Variants in STXBP2 observed in about 807,000 individuals in gnomAD.
STXBP2 encodes the protein syntaxin binding protein 2, also known as syntaxin-binding protein 2.
A neutral mutation model predicts 72.2 loss-of-function variants in STXBP2; 47 were observed. That is an observed-to-expected ratio of 0.65 (90% CI 0.51 to 0.83). The LOEUF (loss-of-function observed/expected upper bound fraction) is 0.83. STXBP2 is among the 40% of genes least tolerant of loss of function. The pLI, the probability that STXBP2 is intolerant of heterozygous loss-of-function variation, is 0.00. For missense variants in STXBP2, 702 were observed against 807.6 expected (o/e 0.87, Z 1.58); for synonymous variants, 367 against 338.7 (o/e 1.08, Z -0.92).
In STXBP2 at chr19:7,645,325, T is replaced by TG; in HGVS notation, c.1356+25dup. On this transcript the variant is annotated intron_variant, in intron 15 of 18. Transcript: ENST00000221283. Reference sequence around the variant, plus strand: ...CCCCGGGGTACGCCAGGAGCGGGCATGGGGGGACCCTGGGAGAGGGTGCGG... The same window carrying TG: ...CCCCGGGGTACGCCAGGAGCGGGCATGGGGGGGACCCTGGGAGAGGGTGCGG... 6.4e-7 allele frequency: 1 copy of TG among 1,560,846 alleles called. No individual in the cohort carries two copies.
intron 4 of STXBP2, chr19:7,640,257 T>C: frequency 1.8e-6 from 1 of 546,774 alleles, no homozygotes. Context: ...TGTGTGCATG[T>C]GTGTATGCGT....
chr19:7,631,516 G>T, the STXBP2 span: 1 of 1,536,248 alleles, frequency 6.5e-7, no homozygotes, highest in African/African-American at 1.4e-5. Flanking sequence ...CGGAAGCGGC[G>T]GGAGGAGAAG....
chr19:7,647,630 G>A (rs1474236746), intron 18 of STXBP2, 95 bp from the exon 19 acceptor site: 5 of 1,598,934 alleles, frequency 3.1e-6, no homozygotes, highest in Non-Finnish European at 4.3e-6. Flanking sequence ...TTTGCTGAGG[G>A]ACAGGGACAG....
At chr19:7,635,178 C>T (rs1186208339), upstream of STXBP2, among the ~76,000 whole-genome samples, 1 of 152,172 alleles carries the variant, frequency 6.6e-6, no homozygotes, top group East Asian at 1.9e-4. Context: ...AAGCTGGAGG[C>T]GGTCCTGGCT....
At chr19:7,632,809 C>T, upstream of STXBP2, 1 of 1,558,062 alleles carries the variant, frequency 6.4e-7, no homozygotes, top group Non-Finnish European at 8.7e-7. The surrounding 1 kb of genome is among the most constrained non-coding windows in gnomAD (Gnocchi z 5.2). Context: ...TTGAAGAAGC[C>T]CTCCTGGTCT....
chr19:7,630,619 A>G, the STXBP2 span: 3,289 of 1,537,196 alleles, frequency 2.1e-3, 4 homozygotes, highest in Admixed American at 3.2e-3. Flanking sequence ...TGGGTTTCCA[A>G]TCAGGCCGAG....
chr19:7,639,899 CAT>C (rs1461155826), intron 4 of STXBP2, 92 bp downstream of exon 4: 1 of 1,365,442 alleles, frequency 7.3e-7, no homozygotes, highest in African/African-American at 1.4e-5. Context: ...TGCATGTGTG[CAT>C]GTGTATACGT....
In STXBP2 at chr19:7,640,502, G is replaced by A. The variant is rs745323411; in HGVS notation, c.247-229G>A. 4 of 577,246 alleles carry A rather than the reference G, an allele frequency of 6.9e-6. No individual in the cohort carries two copies. The East Asian group carries it at 8.8e-5, about 13-fold the overall frequency. 35.8% of individuals were successfully genotyped at this position (577,246 alleles called of 1,614,324 possible). Reference sequence around the variant, plus strand: ...CATGTGTGTATGTGTGTGTGCATCTGTGTGTGTGTGCATGTGTGCATGCGT... The same window carrying A: ...CATGTGTGTATGTGTGTGTGCATCTATGTGTGTGTGCATGTGTGCATGCGT... On this transcript the variant is annotated intron_variant, in intron 4 of 18. Coordinates refer to ENST00000221283, the MANE Select transcript of STXBP2 (RefSeq NM_006949.4).
chr19:7,636,387 A>G (rs1008630685), upstream of STXBP2: 1 of 152,170 alleles, frequency 6.6e-6, no homozygotes, highest in Non-Finnish European at 1.5e-5. Flanking sequence ...GTTTGCAAGC[A>G]TTTGAGGGCG....
upstream of STXBP2, chr19:7,632,888 C>T (rs2031386601): frequency 1.3e-6 from 2 of 1,531,230 alleles, no homozygotes; most frequent in Non-Finnish European, 1.8e-6. The surrounding 1 kb of genome is among the most constrained non-coding windows in gnomAD (Gnocchi z 5.2). Flanking sequence ...CCTCCCCAAA[C>T]TTCCTAGCCA....
At chr19:7,646,122 G>C in intron 15 of STXBP2, 127 bp from the exon 16 acceptor site, 1 of 714,068 alleles carries the variant, frequency 1.4e-6, no homozygotes, top group East Asian at 2.7e-5. Flanking sequence ...GCTCTCTCTC[G>C]CTCTCTGTTC....
At chr19:7,645,030 C>T (rs924737310) in intron 14 of STXBP2, 167 bp from the exon 15 acceptor site, 90 of 1,457,622 alleles carry the variant, frequency 6.2e-5, no homozygotes, top group Non-Finnish European at 7.8e-5. Context: ...TGATCTACCC[C>T]CTCCAGGTTT....
At chr19:7,636,179 T>A (rs2031524875), upstream of STXBP2, 2 of 152,168 alleles carry the variant, frequency 1.3e-5, no homozygotes, top group African/African-American at 4.8e-5. Context: ...ATGTCCCATG[T>A]AAGTGGCAGG....
At chr19:7,632,315 T>A, upstream of STXBP2, 1 of 1,585,342 alleles carries the variant, frequency 6.3e-7, no homozygotes. The surrounding 1 kb of genome is among the most constrained non-coding windows in gnomAD (Gnocchi z 5.2). Context: ...CCCTGTTCCC[T>A]CCTGGCTGGG....
Position 7,642,905 on chromosome 19 carries a change from C to G in STXBP2, c.961-78C>G. 3 of 1,612,872 alleles carry G rather than the reference C, an allele frequency of 1.9e-6. No individual in the cohort carries two copies. The highest frequency in any genetic ancestry group is 1.3e-5 in the African/African-American group (1 of 75,008). On this transcript the variant is annotated intron_variant, in intron 11 of 18. Transcript: ENST00000221283. The surrounding 1 kb of genome is among the most constrained non-coding windows in gnomAD (Gnocchi z 6.0). ...GGGCGCAGGGCCACAGCCTGGATTTCGAGCCTGGACTGAGACCCAGGTGGG... is the reference window on the plus strand; with the variant it reads ...GGGCGCAGGGCCACAGCCTGGATTTGGAGCCTGGACTGAGACCCAGGTGGG...
Position 7,641,018 on chromosome 19 carries a change from C to T in STXBP2, c.429+15C>T, listed in dbSNP as rs746787048. The T allele has an allele frequency of 3.1e-6, 5 of 1,612,402 alleles. No homozygotes were observed. The highest frequency in any genetic ancestry group is 3.4e-6 in the Non-Finnish European group (4 of 1,178,692). On this transcript the variant is annotated intron_variant, in intron 6 of 18. Coordinates refer to ENST00000221283, the MANE Select transcript of STXBP2 (RefSeq NM_006949.4). ...ACGAGGCCCAGGTACGGCCCGGGCT[C>T]ATCCTGGGCAGGGGGTGGGGGTTTG...
upstream of STXBP2, chr19:7,631,910 C>T: frequency 1.7e-6 from 2 of 1,178,544 alleles, no homozygotes; most frequent in Non-Finnish European, 2.2e-6. Context: ...CGTGTCCCAC[C>T]TCATTGTGAG....
In STXBP2 at chr19:7,642,583, G is replaced by A; in HGVS notation, c.902+47G>A. ...ATCCCCCCCCCACCGCCCACTGTGG[G>A]CCTGGTAGCGGCCTTGGGATCCCTG... On this transcript the variant is annotated intron_variant, in intron 10 of 18. Coordinates refer to ENST00000221283, the MANE Select transcript of STXBP2 (RefSeq NM_006949.4). This position sits in a 1 kb window ranked among gnomAD's most constrained non-coding sequence, Gnocchi z 6.0. 3.7e-6 allele frequency: 6 copies of A among 1,604,636 alleles called. No individual in the cohort carries two copies. Among genetic ancestry groups the A allele is most frequent in the Middle Eastern group, 1.7e-4 (1 of 5,924 alleles).
At chr19:7,638,606 A>T in intron 1 of STXBP2, 120 bp from the exon 2 acceptor site, 1 of 570,160 alleles carries the variant, frequency 1.8e-6, no homozygotes, top group Non-Finnish European at 2.6e-6. Flanking sequence ...TCCTCTCTTA[A>T]AAAAAAAAAA....
Sources: gnomAD v4.1 joint callset for allele counts (sites outside exome capture counted in the v4.1 genomes callset) on GRCh38, gnomAD v4.1.1 for gene constraint, Gnocchi (gnomAD v3.1) non-coding constraint, MANE v1.5 for transcripts, NCBI Gene and HGNC (gene_info 2026-07-23, HGNC 2026-07-21) for gene names.